PIGG: variants seen among roughly 807,000 people sequenced by gnomAD.
The protein encoded by PIGG is GPI ethanolamine phosphate transferase 2, catalytic subunit.
Under a neutral mutation model 83.2 loss-of-function variants are expected in PIGG, and 70 were observed. The ratio of observed to expected loss-of-function variants is 0.84; its 90% CI spans 0.69 to 1.03. The LOEUF is 1.03. PIGG is among the 50% of genes least tolerant of loss of function. PIGG has a pLI of 0.00. For missense variants in PIGG, 1,257 were observed against 1,233.6 expected, an observed-to-expected ratio of 1.02 and a Z score of -0.28; for synonymous variants, 532 against 519.5, an observed-to-expected ratio of 1.02 and a Z score of -0.33.
At chr4:533,613 G>A in intron 11 of PIGG, 1 of 592,224 alleles carries the variant, frequency 1.7e-6, no homozygotes, top group East Asian at 2.8e-5. Flanking sequence ...CTGCAGGCAG[G>A]GGGAGGGGGT....
intron 6 of PIGG, among the ~76,000 whole-genome samples, chr4:516,633 G>A (rs949581424): frequency 6.6e-6 from 1 of 152,040 alleles, no homozygotes; most frequent in Admixed American, 6.6e-5. Flanking sequence ...CAAGGCAGGC[G>A]GATCATGAAG....
chr4:527,016 T>C (rs539189264), intron 9 of PIGG, 23 bp from the exon 10 acceptor site: 2 of 1,614,052 alleles, frequency 1.2e-6, no homozygotes, highest in Admixed American at 1.7e-5. Flanking sequence ...TACGTAATGC[T>C]GGCATTTTCC....
chr4:502,995 A>G (rs1298409241), intron 2 of PIGG, among the ~76,000 whole-genome samples: 2 of 152,112 alleles, frequency 1.3e-5, no homozygotes, highest in Admixed American at 6.6e-5. Flanking sequence ...CCACCAAGGA[A>G]GAAAGCGGAA....
intron 6 of PIGG, among the ~76,000 whole-genome samples, chr4:520,444 A>G (rs532048239): frequency 6.6e-6 from 1 of 152,136 alleles, no homozygotes; most frequent in African/African-American, 2.4e-5. Flanking sequence ...CCATGCGCCC[A>G]GCAGAGCTCA....
In PIGG at chr4:520,835, T is replaced by A. The variant is rs558585313; in HGVS notation, c.1115-221T>A. 2.3e-3 allele frequency among the ~76,000 whole-genome samples: 350 copies of A among 152,306 alleles called. 3 individuals carry two copies. Among genetic ancestry groups the A allele is most frequent in the African/African-American group, 7.6e-3 (315 of 41,574 alleles). ...TGTATGCCAAGGACCAAGGCCTGCA[T>A]CGCCAGAGGGCAGATGGATGCACAT... On this transcript the variant is annotated intron_variant, in intron 6 of 12. Coordinates refer to ENST00000453061, the MANE Select transcript of PIGG (RefSeq NM_001127178.3).
At chr4:501,270 T>C (rs1184294646) in intron 2 of PIGG, 15 of 400,978 alleles carry the variant, frequency 3.7e-5, no homozygotes, top group South Asian at 1.8e-4. Context: ...TCTGCCTTCA[T>C]GTAGCTTTTA....
rs1553874130 is a variant in PIGG at position 499,440 on chromosome 4, T to C, written c.105T>C (p.Ser35=). 1.2e-6 allele frequency: 2 copies of C among 1,606,030 alleles called. No individual in the cohort carries two copies. Among genetic ancestry groups the C allele is most frequent in the Middle Eastern group, 1.7e-4 (1 of 6,006 alleles). Residue 35 remains serine, a synonymous_variant, in exon 1 of 13, where the codon TCT becomes TCC. Transcript: ENST00000453061. ...TCTTCCCGGCTCCCGTTCGTTCCTCTGCCAGAGCGGAACACGGAGCGGAGC... is the reference window on the plus strand; with the variant it reads ...TCTTCCCGGCTCCCGTTCGTTCCTCCGCCAGAGCGGAACACGGAGCGGAGC... The part of the protein sequence containing the change: ...RGFFPAPVRS[S]ARAEHGAEPP...
At chr4:530,868 G>T (rs759718734) in intron 11 of PIGG, 123 bp downstream of exon 11, 2 of 705,652 alleles carry the variant, frequency 2.8e-6, no homozygotes, top group Non-Finnish European at 4.9e-6. Context: ...GGTGAATTAC[G>T]CTGAACTCTC....
At position 539,459 on chromosome 4, in the gene PIGG, ACTTT is replaced by A; in HGVS notation, c.*95_*98del. 2 of 722,414 alleles carry A rather than the reference ACTTT, an allele frequency of 2.8e-6. No individual in the cohort carries two copies. Among genetic ancestry groups the A allele is most frequent in the East Asian group, 2.7e-5 (1 of 36,930 alleles). 44.8% of individuals were successfully genotyped at this position (722,414 alleles called of 1,614,324 possible). The stretch of plus-strand genomic sequence containing the variant: ...ATGAATTCAACAAAGTTGATGGATA[ACTTT>A]CTTTGACTGCTCTACCTGAATTTAG... On this transcript the variant is annotated 3_prime_UTR_variant, in exon 13 of 13. Coordinates refer to ENST00000453061, the MANE Select transcript of PIGG (RefSeq NM_001127178.3).
intron 5 of PIGG, among the ~76,000 whole-genome samples, chr4:510,757 T>C (rs1215283053): frequency 6.6e-6 from 1 of 152,148 alleles, no homozygotes; most frequent in African/African-American, 2.4e-5. Flanking sequence ...GCCACCATCA[T>C]CACAGTCAAT....
At chr4:522,259 G>T in intron 8 of PIGG, 1 of 572,204 alleles carries the variant, frequency 1.7e-6, no homozygotes, top group Non-Finnish European at 3.1e-6. Flanking sequence ...CCCCGCTGAG[G>T]GGGTGTGTGA....
chr4:502,729 C>T (rs1044877264), intron 2 of PIGG, among the ~76,000 whole-genome samples: 2 of 151,992 alleles, frequency 1.3e-5, no homozygotes, highest in South Asian at 4.1e-4. Context: ...GTAGTCCCTA[C>T]CCTCTTTAAA....
chr4:522,345 G>A, intron 8 of PIGG: 4 of 380,734 alleles, frequency 1.1e-5, no homozygotes, highest in South Asian at 4.5e-5. Flanking sequence ...ACACTCAGGA[G>A]GGTCAAAAGG....
intron 1 of PIGG, 71 bp from the exon 2 acceptor site, chr4:500,325 A>G (rs1246283264): frequency 1.8e-6 from 2 of 1,092,910 alleles, no homozygotes; most frequent in East Asian, 2.4e-5. Context: ...GGTAGAAGCT[A>G]GATTGTGAAG....
intron 12 of PIGG, among the ~76,000 whole-genome samples, chr4:535,872 C>G (rs573613412): frequency 8.5e-5 from 13 of 152,334 alleles, no homozygotes; most frequent in South Asian, 4.1e-4. Context: ...TCCTGAGACC[C>G]AGGCCACAGG....
At chr4:501,238 C>A in intron 2 of PIGG, 1 of 429,238 alleles carries the variant, frequency 2.3e-6, no homozygotes, top group South Asian at 1.7e-5. Context: ...AATGGGTATG[C>A]AATTGGGGAA....
intron 2 of PIGG, among the ~76,000 whole-genome samples, chr4:500,803 C>T (rs1717413905): frequency 6.6e-6 from 1 of 152,108 alleles, no homozygotes. Context: ...GTCAAGTAGC[C>T]AAAGCTCATG....
Position 527,044 on chromosome 4 carries a change from A to T in PIGG, c.2075A>T (p.Asp692Val), listed in dbSNP as rs1727829781. The change falls in exon 10 of 13, where the codon GAC becomes GTC. Residue 692 changes from aspartate (D) to valine (V), a missense_variant. Transcript: ENST00000453061. ...PDLGHWLTSS[D>V]HKAELSVLAA... ...CATTTTCCATCTCATTTCAGCTCTG[A>T]CCACAAAGCCGAGCTCTCTGTCCTG... 6.2e-7 allele frequency: 1 copy of T among 1,613,962 alleles called. No individual in the cohort carries two copies. Among genetic ancestry groups the T allele is most frequent in the African/African-American group, 1.3e-5 (1 of 74,894 alleles).
Position 533,879 on chromosome 4 carries a change from A to G in PIGG, c.2633A>G (p.Tyr878Cys), listed in dbSNP as rs1468720611. The G allele has an allele frequency of 5.0e-6, 8 of 1,613,994 alleles. No individual in the cohort carries two copies. Among genetic ancestry groups the G allele is most frequent in the Non-Finnish European group, 8.5e-7 (1 of 1,179,984 alleles). Residue 878 changes from tyrosine to cysteine, a missense_variant, in exon 12 of 13, where the codon TAC (tyrosine) becomes TGC (cysteine). Transcript: ENST00000453061. ...GCAGGCTTCGTGGGCTTAGACACCT[A>G]CGTGGAAATCCCAGCCGTGCTCCTG... ...ISAGFVGLDT[Y>C]VEIPAVLLTA...
Sources: gnomAD v4.1 joint callset for allele counts (sites outside exome capture counted in the v4.1 genomes callset) on GRCh38, gnomAD v4.1.1 for gene constraint, MANE v1.5 for transcripts, NCBI Gene and HGNC (gene_info 2026-07-23, HGNC 2026-07-21) for gene names.